Variants in TNPO1 observed in about 807,000 individuals in gnomAD.
The protein encoded by TNPO1 is transportin-1.
A neutral mutation model predicts 119.5 loss-of-function variants in TNPO1; 8 were observed. The observed-to-expected ratio is 0.07, with a 90% CI of 0.04 to 0.12. TNPO1 has a LOEUF of 0.12. TNPO1 is among the 10% of genes least tolerant of loss of function. TNPO1 has a pLI of 1.00. For missense variants in TNPO1, 576 were observed against 1,089.8 expected, an observed-to-expected ratio of 0.53 and a Z score of 6.64; for synonymous variants, 362 against 363.0, an observed-to-expected ratio of 1.00 and a Z score of 0.03.
chr5:72,866,845 G>A (rs566310506), intron 6 of TNPO1, among the ~76,000 whole-genome samples: 4 of 151,914 alleles, frequency 2.6e-5, no homozygotes, highest in South Asian at 2.1e-4. Context: ...ATTTTTTCAC[G>A]ATTTTTATTT....
At chr5:72,897,642 T>C (rs930210011) in intron 20 of TNPO1, among the ~76,000 whole-genome samples, 1 of 151,852 alleles carries the variant, frequency 6.6e-6, no homozygotes, top group Non-Finnish European at 1.5e-5. Flanking sequence ...TTATTTTTTT[T>C]TTTTTAGGAA....
intron 1 of TNPO1, chr5:72,848,180 G>T (rs907752270): frequency 8.7e-5 from 106 of 1,211,938 alleles, no homozygotes; most frequent in Non-Finnish European, 1.1e-4. Context: ...AGCAGACGCT[G>T]GCGGCCGGGC....
intron 18 of TNPO1, among the ~76,000 whole-genome samples, chr5:72,894,095 T>C (rs182093057): frequency 6.6e-6 from 1 of 152,324 alleles, no homozygotes; most frequent in Non-Finnish European, 1.5e-5. Context: ...CAGCATACTT[T>C]TTCAGATATT....
intron 24 of TNPO1, among the ~76,000 whole-genome samples, chr5:72,907,310 G>A (rs1408284958): frequency 6.6e-6 from 1 of 152,074 alleles, no homozygotes; most frequent in African/African-American, 2.4e-5. Flanking sequence ...TACCTCTGTG[G>A]TCTCATCACC....
At chr5:72,838,985 G>A (rs1455840769) in intron 1 of TNPO1, among the ~76,000 whole-genome samples, 1 of 152,166 alleles carries the variant, frequency 6.6e-6, no homozygotes, top group Non-Finnish European at 1.5e-5. Flanking sequence ...CCACTTGGCA[G>A]TGATAAGTCA....
At chr5:72,882,605 C>A in intron 10 of TNPO1, 78 bp downstream of exon 10, 1 of 1,014,644 alleles carries the variant, frequency 9.9e-7, no homozygotes. Flanking sequence ...GCCAATAAAA[C>A]ATTCATTGAG....
intron 5 of TNPO1, 135 bp downstream of exon 5, chr5:72,862,049 G>A: frequency 1.7e-6 from 1 of 590,612 alleles, no homozygotes; most frequent in Non-Finnish European, 3.0e-6. Flanking sequence ...AGTTACCTTT[G>A]TGTTATATTA....
chr5:72,897,200 TA>T, intron 20 of TNPO1, 49 bp downstream of exon 20: 1 of 1,328,132 alleles, frequency 7.5e-7, no homozygotes, highest in Non-Finnish European at 1.1e-6. Flanking sequence ...TGTTGCCTTT[TA>T]ATTTTAATAT....
At chr5:72,875,942 A>G (rs1180431291) in intron 8 of TNPO1, among the ~76,000 whole-genome samples, 1 of 152,192 alleles carries the variant, frequency 6.6e-6, no homozygotes, top group African/African-American at 2.4e-5. Flanking sequence ...GTAGTATGTT[A>G]TCTAGAGCCT....
At position 72,911,465 on chromosome 5, in the gene TNPO1, AC is replaced by A. The variant is rs566116587; in HGVS notation, c.*2793del. On this transcript the variant is annotated 3_prime_UTR_variant, in exon 25 of 25. Coordinates refer to ENST00000337273, the MANE Select transcript of TNPO1 (RefSeq NM_002270.4). ...TTTCTTCCTAATTTATATTTCAGAT[AC>A]ATAGTGTAGAACAGGAATTTGCAGA... 2.5e-3 allele frequency: 387 copies of A among 152,656 alleles called. 1 individual carries two copies. Among genetic ancestry groups the A allele is most frequent in the Admixed American group, 5.2e-3 (80 of 15,292 alleles). 9.5% of individuals were successfully genotyped at this position (152,656 alleles called of 1,614,324 possible).
chr5:72,870,123 T>C, intron 6 of TNPO1, among the ~76,000 whole-genome samples: 1 of 151,658 alleles, frequency 6.6e-6, no homozygotes, highest in Non-Finnish European at 1.5e-5. Flanking sequence ...TGTGGATCAA[T>C]TTAGAAGAAA....
intron 1 of TNPO1, among the ~76,000 whole-genome samples, chr5:72,836,983 A>T (rs777419302): frequency 1.3e-5 from 2 of 152,180 alleles, no homozygotes; most frequent in Non-Finnish European, 2.9e-5. Context: ...TACAGAGAGG[A>T]CCACTTAAGA....
At chr5:72,887,251 A>G (rs763067248) in intron 12 of TNPO1, 29 bp downstream of exon 12, 1 of 1,182,608 alleles carries the variant, frequency 8.5e-7, no homozygotes, top group South Asian at 1.2e-5. Context: ...TGAATTATGT[A>G]AGTTGGCTTC....
intron 6 of TNPO1, among the ~76,000 whole-genome samples, chr5:72,869,550 A>C (rs1194740827): frequency 6.6e-6 from 1 of 152,216 alleles, no homozygotes; most frequent in Admixed American, 6.5e-5. Flanking sequence ...CCATCTCAAA[A>C]AAATAAATAA....
intron 1 of TNPO1, among the ~76,000 whole-genome samples, chr5:72,820,598 A>G (rs529681162): frequency 6.6e-6 from 1 of 152,330 alleles, no homozygotes; most frequent in South Asian, 2.1e-4. Context: ...ATGAGAAAAC[A>G]AAGTGTAAAT....
intron 4 of TNPO1, 82 bp from the exon 5 acceptor site, chr5:72,861,725 TG>T (rs942495889): frequency 1.0e-6 from 1 of 956,298 alleles, no homozygotes; most frequent in African/African-American, 1.6e-5. Flanking sequence ...TTACATAAAA[TG>T]TGTTTGTGCA....
rs908804737 is a variant in TNPO1, at chr5:72,911,626, G to A, written c.*2953G>A. ...TAATAGTTTTGAATGTTGACTGAAT[G>A]TCTATAAAATTGTGAGTTTGTCTTT... On this transcript the variant is annotated 3_prime_UTR_variant, in exon 25 of 25. Coordinates refer to ENST00000337273, the MANE Select transcript of TNPO1 (RefSeq NM_002270.4). 6 of 152,482 alleles carry A rather than the reference G, an allele frequency of 3.9e-5. No individual in the cohort carries two copies. Among genetic ancestry groups the A allele is most frequent in the Non-Finnish European group, 8.8e-5 (6 of 67,934 alleles). 9.4% of individuals were successfully genotyped at this position (152,482 alleles called of 1,614,324 possible).
intron 1 of TNPO1, among the ~76,000 whole-genome samples, chr5:72,838,913 A>G (rs532577332): frequency 6.6e-6 from 1 of 152,296 alleles, no homozygotes; most frequent in African/African-American, 2.4e-5. Context: ...TAGTTTTGAA[A>G]ATTAAATGAG....
chr5:72,840,219 C>G (rs2112215070), intron 1 of TNPO1, among the ~76,000 whole-genome samples: 1 of 152,236 alleles, frequency 6.6e-6, no homozygotes, highest in African/African-American at 2.4e-5. Flanking sequence ...AGTAGTAGTT[C>G]AGTGCATGGG....
Sources: allele counts gnomAD v4.1 joint callset (sites outside exome capture counted in the v4.1 genomes callset), GRCh38; gene constraint gnomAD v4.1.1; transcripts MANE v1.5; gene names NCBI Gene and HGNC (gene_info 2026-07-23, HGNC 2026-07-21).